FRAS1: variants seen among roughly 807,000 people sequenced by gnomAD.
FRAS1 encodes Fraser extracellular matrix complex subunit 1.
In FRAS1, 290 loss-of-function variants were observed where a neutral mutation model predicts 435.2. That is an observed-to-expected ratio of 0.67 (90% confidence interval 0.61 to 0.73). The LOEUF (loss-of-function observed/expected upper bound fraction) is 0.73. FRAS1 is among the 30% of genes least tolerant of loss of function. FRAS1 has a pLI of 0.00. For missense variants in FRAS1, 4,860 were observed against 5,001.5 expected (o/e 0.97, Z 0.85); for synonymous variants, 1,800 against 1,851.0 (o/e 0.97, Z 0.71).
chr4:78,079,806 T>G (rs756740052), intron 2 of FRAS1, among the ~76,000 whole-genome samples: 5 of 151,986 alleles, frequency 3.3e-5, no homozygotes, highest in Non-Finnish European at 5.9e-5. Flanking sequence ...CGAGGTAAAA[T>G]CACACCCTCA....
chr4:78,248,288 C>A (rs1355169285), intron 4 of FRAS1, among the ~76,000 whole-genome samples: 1 of 152,212 alleles, frequency 6.6e-6, no homozygotes, highest in Non-Finnish European at 1.5e-5. Context: ...GCCAACCAGC[C>A]AGGGAGGCAA....
intron 2 of FRAS1, among the ~76,000 whole-genome samples, chr4:78,117,853 C>G (rs550990816): frequency 8.1e-4 from 123 of 152,388 alleles, no homozygotes; most frequent in Non-Finnish European, 1.5e-3. Flanking sequence ...CTCCGTCCAG[C>G]TTTGTTCCAT....
chr4:78,167,000 T>A (rs997096476), intron 2 of FRAS1, among the ~76,000 whole-genome samples: 2 of 152,188 alleles, frequency 1.3e-5, no homozygotes, highest in African/African-American at 4.8e-5. Context: ...AACAAGAGCA[T>A]CTGCCCTGTA....
At chr4:78,473,707 G>C in intron 53 of FRAS1, 110 bp downstream of exon 53, 1 of 696,314 alleles carries the variant, frequency 1.4e-6, no homozygotes, top group Non-Finnish European at 2.3e-6. Flanking sequence ...TGGCGGTGAT[G>C]GTGATGATGG....
intron 30 of FRAS1, among the ~76,000 whole-genome samples, chr4:78,401,645 A>C (rs556357443): frequency 4.9e-4 from 75 of 152,164 alleles, no homozygotes; most frequent in African/African-American, 1.6e-3. Context: ...CTTTCAATTA[A>C]AGGGACAGAG....
chr4:78,544,047 C>T lies in FRAS1; in HGVS notation c.*2923C>T, dbSNP rs567750925. 1.3e-5 allele frequency: 2 copies of T among 151,940 alleles called. No homozygotes were observed. The highest frequency in any genetic ancestry group is 4.9e-5 in the African/African-American group (2 of 40,772). The allele number at this position is 151,940 out of a possible 1,614,324, so 9.4% of individuals were successfully genotyped here. A position where few individuals can be genotyped will look rare whatever the true frequency, so the allele number is the denominator to read the frequency against. On this transcript the variant is annotated 3_prime_UTR_variant, in exon 74 of 74. Transcript: ENST00000512123. ...TAGTGTTGGAATGTGTTTGCACAGT[C>T]TTATGATATTCAGTCTCAGTCTGCT...
chr4:78,407,460 A>C (rs1322932396), intron 30 of FRAS1, among the ~76,000 whole-genome samples: 1 of 152,226 alleles, frequency 6.6e-6, no homozygotes, highest in Admixed American at 6.5e-5. Flanking sequence ...CTTTTAGCAG[A>C]AAGCCTGAGA....
intron 51 of FRAS1, among the ~76,000 whole-genome samples, chr4:78,471,522 T>A (rs1305220060): frequency 6.6e-6 from 1 of 152,226 alleles, no homozygotes; most frequent in Non-Finnish European, 1.5e-5. Context: ...TTGCAGTAAC[T>A]GTTATTAAAG....
chr4:78,157,164 T>G (rs972219065), intron 2 of FRAS1, among the ~76,000 whole-genome samples: 1 of 152,356 alleles, frequency 6.6e-6, no homozygotes, highest in African/African-American at 2.4e-5. Flanking sequence ...TTCACTCTTT[T>G]TTATGGCTGT....
intron 2 of FRAS1, among the ~76,000 whole-genome samples, chr4:78,072,260 A>G (rs1373495450): frequency 1.3e-5 from 2 of 152,136 alleles, no homozygotes; most frequent in African/African-American, 4.8e-5. Flanking sequence ...TTTAAGGGAG[A>G]CCATTAGAGC....
intron 2 of FRAS1, among the ~76,000 whole-genome samples, chr4:78,076,681 G>A (rs17002923): frequency 0.16 from 23,859 of 152,040 alleles, 2,147 homozygotes; most frequent in African/African-American, 0.24. Flanking sequence ...GAATAATAGA[G>A]CTTCTTGAGA....
At chr4:78,086,045 T>C (rs1407243447) in intron 2 of FRAS1, among the ~76,000 whole-genome samples, 2 of 152,052 alleles carry the variant, frequency 1.3e-5, no homozygotes, top group African/African-American at 4.8e-5. Flanking sequence ...CCTCAGCAAA[T>C]GTAAAAGAAC....
rs1173407811 is a variant in FRAS1, at chr4:78,544,073, A to C, written c.*2949A>C. ...TTATGATATTCAGTCTCAGTCTGCT[A>C]TAGGTATTTGTTATTCTTGGATACT... On this transcript the variant is annotated 3_prime_UTR_variant, in exon 74 of 74. Transcript: ENST00000512123. 2.0e-5 allele frequency: 3 copies of C among 152,666 alleles called. No homozygotes were observed. The highest frequency in any genetic ancestry group is 4.4e-5 in the Non-Finnish European group (3 of 68,040). 9.5% of individuals were successfully genotyped at this position (152,666 alleles called of 1,614,324 possible).
At chr4:78,060,573 C>T (rs143581195) in intron 1 of FRAS1, among the ~76,000 whole-genome samples, 3 of 152,280 alleles carry the variant, frequency 2.0e-5, no homozygotes, top group South Asian at 2.1e-4. Flanking sequence ...CTAGTATACA[C>T]TAAGTGCTCA....
chr4:78,383,315 G>A (rs1732093516), intron 27 of FRAS1, among the ~76,000 whole-genome samples: 1 of 152,208 alleles, frequency 6.6e-6, no homozygotes, highest in East Asian at 1.9e-4. Context: ...CAGTCTGGAA[G>A]CAAGGACTGG....
intron 2 of FRAS1, among the ~76,000 whole-genome samples, chr4:78,177,169 G>C (rs1011206297): frequency 1.3e-5 from 2 of 150,788 alleles, no homozygotes; most frequent in African/African-American, 4.9e-5. Context: ...CTCACTGCAA[G>C]CTCCGCCTCC....
intron 2 of FRAS1, among the ~76,000 whole-genome samples, chr4:78,186,374 AT>A (rs1380492601): frequency 3.9e-5 from 6 of 152,146 alleles, no homozygotes; most frequent in African/African-American, 1.4e-4. Flanking sequence ...CTTCACATAT[AT>A]TTAATAGCAT....
In FRAS1 at chr4:78,387,693, G is replaced by A. The variant is rs1415956348; in HGVS notation, c.3967G>A (p.Val1323Met). 7.3e-6 allele frequency: 11 copies of A among 1,515,448 alleles called. No homozygotes were observed. The highest frequency in any genetic ancestry group is 4.0e-5 in the Admixed American group (2 of 50,512). The allele number at this position is 1,515,448 out of a possible 1,614,324, so 93.9% of individuals were successfully genotyped here. ...FHNILFQVKT[V>M]PQNDRGLQLV... ...TAATATACTGTTCCAAGTGAAGACCGTGCCTCAGGTAGGTGTCATTCCTAG... is the reference window on the plus strand; with the variant it reads ...TAATATACTGTTCCAAGTGAAGACCATGCCTCAGGTAGGTGTCATTCCTAG... Residue 1323 changes from valine (V) to methionine (M), a missense_variant, in exon 29 of 74, where the codon GTG (valine) becomes ATG (methionine). Physicochemically the swap from Val to Met is conservative, Grantham distance 21. Coordinates refer to ENST00000512123, the MANE Select transcript of FRAS1 (RefSeq NM_025074.7).
intron 1 of FRAS1, among the ~76,000 whole-genome samples, chr4:78,064,699 T>A (rs1032109619): frequency 5.3e-5 from 8 of 151,992 alleles, no homozygotes; most frequent in African/African-American, 1.9e-4. Flanking sequence ...GTGTAAATAG[T>A]CATCTCAGTT....
Sources: allele counts gnomAD v4.1 joint callset (sites outside exome capture counted in the v4.1 genomes callset), GRCh38; gene constraint gnomAD v4.1.1; transcripts MANE v1.5; gene names NCBI Gene and HGNC (gene_info 2026-07-23, HGNC 2026-07-21).